Variants in LDB2 observed in about 807,000 individuals in gnomAD.
The protein encoded by LDB2 is LIM domain binding 2, also known as LIM domain-binding protein 2.
Under a neutral mutation model 44.3 loss-of-function variants are expected in LDB2, and 12 were observed. The observed-to-expected ratio is 0.27, with a 90% confidence interval of 0.17 to 0.44. The LOEUF (loss-of-function observed/expected upper bound fraction) is 0.44. LDB2 is among the 20% of genes least tolerant of loss of function. LDB2 has a pLI of 1.00. For missense variants in LDB2, 344 were observed against 473.5 expected (o/e 0.73, Z 2.54); for synonymous variants, 164 against 174.8 (o/e 0.94, Z 0.49).
At chr4:16,729,422 T>A (rs1010640200) in intron 2 of LDB2, among the ~76,000 whole-genome samples, 8 of 152,152 alleles carry the variant, frequency 5.3e-5, no homozygotes, top group African/African-American at 1.4e-4. Context: ...ATTTAAAACT[T>A]AGATTTTTCT....
chr4:16,643,686 T>A (rs549997840), intron 2 of LDB2, among the ~76,000 whole-genome samples: 6 of 152,224 alleles, frequency 3.9e-5, no homozygotes, highest in Non-Finnish European at 8.8e-5. Context: ...ATTCCAAGTA[T>A]TATTTGCCAT....
chr4:16,745,548 C>T (rs1764222681), intron 2 of LDB2, among the ~76,000 whole-genome samples: 1 of 152,104 alleles, frequency 6.6e-6, no homozygotes, highest in African/African-American at 2.4e-5. Context: ...GGAGAAAATG[C>T]CAGCAACAAG....
At chr4:16,698,809 GTTTA>G (rs1752774569) in intron 2 of LDB2, among the ~76,000 whole-genome samples, 2 of 152,090 alleles carry the variant, frequency 1.3e-5, no homozygotes, top group African/African-American at 4.8e-5. Context: ...CTACGCAATG[GTTTA>G]TTGTTTATGT....
intron 2 of LDB2, among the ~76,000 whole-genome samples, chr4:16,742,158 G>A (rs1027565084): frequency 2.1e-5 from 3 of 142,374 alleles, no homozygotes; most frequent in Admixed American, 1.5e-4. Context: ...TGCAATCTCC[G>A]CCTTTCGGGT....
At chr4:16,836,742 A>G (rs1784942687) in intron 1 of LDB2, among the ~76,000 whole-genome samples, 1 of 152,208 alleles carries the variant, frequency 6.6e-6, no homozygotes, top group South Asian at 2.1e-4. Flanking sequence ...TTTTACACAC[A>G]TGGAATTATT....
At chr4:16,754,823 C>A (rs949969079) in intron 2 of LDB2, among the ~76,000 whole-genome samples, 17 of 152,170 alleles carry the variant, frequency 1.1e-4, no homozygotes, top group Non-Finnish European at 2.1e-4. Flanking sequence ...TTAGCCACAG[C>A]ACCCAGCCCA....
intron 2 of LDB2, among the ~76,000 whole-genome samples, chr4:16,701,552 G>A (rs1240411658): frequency 2.0e-4 from 30 of 152,176 alleles, no homozygotes; most frequent in Admixed American, 1.9e-3. Flanking sequence ...CACTGTGATC[G>A]TAACCCGCAT....
At chr4:16,808,156 G>T (rs1779137981) in intron 1 of LDB2, among the ~76,000 whole-genome samples, 1 of 152,136 alleles carries the variant, frequency 6.6e-6, no homozygotes, top group Non-Finnish European at 1.5e-5. Flanking sequence ...TCTTACAGTG[G>T]ACGTCTCTCT....
chr4:16,630,021 A>T (rs1731457376), intron 2 of LDB2, among the ~76,000 whole-genome samples: 1 of 152,216 alleles, frequency 6.6e-6, no homozygotes, highest in South Asian at 2.1e-4. Flanking sequence ...TCTGCAGGAT[A>T]TTATCCAGGA....
At chr4:16,858,041 T>C (rs1053802817) in intron 1 of LDB2, among the ~76,000 whole-genome samples, 3 of 152,208 alleles carry the variant, frequency 2.0e-5, no homozygotes, top group African/African-American at 2.4e-5. Flanking sequence ...AAGATTGATA[T>C]TAATAATAAT....
intron 1 of LDB2, among the ~76,000 whole-genome samples, chr4:16,804,454 T>C (rs1778418243): frequency 6.6e-6 from 1 of 152,206 alleles, no homozygotes; most frequent in African/African-American, 2.4e-5. Flanking sequence ...ACATAATTTT[T>C]TTAATTATAA....
rs373525077 is a variant in LDB2 at position 16,674,146 on chromosome 4, G to A, written c.236-78271C>T. The A allele has an allele frequency of 1.2e-4, 97 of 832,914 alleles. No individual in the cohort carries two copies. The Middle Eastern group carries it at 2.9e-3, about 25-fold the overall frequency. The allele number at this position is 832,914 out of a possible 1,614,324, so 51.6% of individuals were successfully genotyped here. A position where few individuals can be genotyped will look rare whatever the true frequency, so the allele number is the denominator to read the frequency against. On this transcript the variant is annotated intron_variant, in intron 2 of 7. Coordinates refer to ENST00000304523, the MANE Select transcript of LDB2 (RefSeq NM_001290.5). ...TCCCTGAGAATATTTCCCATTTTAC[G>A]CATTTCCAGAATTCACGCCTTAAAA...
At chr4:16,875,826 A>C (rs2110384352) in intron 1 of LDB2, among the ~76,000 whole-genome samples, 1 of 152,376 alleles carries the variant, frequency 6.6e-6, no homozygotes, top group East Asian at 1.9e-4. Context: ...AGTCACATTC[A>C]CAATAGCGAC....
intron 1 of LDB2, among the ~76,000 whole-genome samples, chr4:16,837,817 T>A (rs1785144895): frequency 6.6e-6 from 1 of 152,258 alleles, no homozygotes; most frequent in Admixed American, 6.5e-5. Context: ...GGTGGTTGTT[T>A]CAAGCACTAA....
intron 1 of LDB2, among the ~76,000 whole-genome samples, chr4:16,846,803 A>C (rs1275748475): frequency 6.6e-6 from 1 of 152,190 alleles, no homozygotes; most frequent in Non-Finnish European, 1.5e-5. Flanking sequence ...GACAATGCAA[A>C]AGAGCAGGCA....
intron 6 of LDB2, among the ~76,000 whole-genome samples, chr4:16,509,956 T>A (rs1721058175): frequency 6.6e-6 from 1 of 152,046 alleles, no homozygotes. Flanking sequence ...CTGTACAAAA[T>A]ATACACAGAT....
At position 16,503,957 on chromosome 4, in the gene LDB2, C is replaced by T. The variant is rs73798793; in HGVS notation, c.892-1084G>A. 7.6e-3 allele frequency among the ~76,000 whole-genome samples: 1,161 copies of T among 152,216 alleles called. 18 individuals carry two copies. Among genetic ancestry groups the T allele is most frequent in the African/African-American group, 0.026 (1,081 of 41,532 alleles). On this transcript the variant is annotated intron_variant, in intron 7 of 7. Coordinates refer to ENST00000304523, the MANE Select transcript of LDB2 (RefSeq NM_001290.5). ...GGACCATATGGGGTTGATGAGGGAC[C>T]TTGGCATGGGACAGGACATCTGTCA...
At chr4:16,855,208 A>G (rs1789113935) in intron 1 of LDB2, among the ~76,000 whole-genome samples, 1 of 152,118 alleles carries the variant, frequency 6.6e-6, no homozygotes. Context: ...TTGACACTGC[A>G]CTGAGAGTGC....
chr4:16,800,770 G>A (rs192925439), intron 1 of LDB2, among the ~76,000 whole-genome samples: 2,775 of 152,268 alleles, frequency 0.018, 93 homozygotes, highest in African/African-American at 0.062. Flanking sequence ...CGCCTCCCAG[G>A]TTCACGCCAT....
Sources: allele counts gnomAD v4.1 joint callset (sites outside exome capture counted in the v4.1 genomes callset), GRCh38; gene constraint gnomAD v4.1.1; transcripts MANE v1.5; gene names NCBI Gene and HGNC (gene_info 2026-07-23, HGNC 2026-07-21).